Variants in PFDN1 observed in about 807,000 individuals in gnomAD.
The protein encoded by PFDN1 is prefoldin subunit 1.
A neutral mutation model predicts 17.3 loss-of-function variants in PFDN1; 6 were observed. The ratio of observed to expected loss-of-function variants is 0.35; its 90% CI spans 0.19 to 0.69. The LOEUF (loss-of-function observed/expected upper bound fraction) is 0.69. Among genes scored for constraint, PFDN1 ranks in the 30% least tolerant of loss-of-function variants. The pLI is 0.65. For missense variants in PFDN1, 113 were observed against 146.2 expected (o/e 0.77, Z 1.17); for synonymous variants, 58 against 50.1 (o/e 1.16, Z -0.67).
At position 140,286,851 on chromosome 5, in the gene PFDN1, C is replaced by A. The variant is rs180963724; in HGVS notation, c.201-5318G>T. On this transcript the variant is annotated intron_variant, in intron 2 of 3. Transcript: ENST00000261813. ...AACTCCTGACCTCAGGGGATCCAAC[C>A]GCCTCAGCCTCCCAAAGAGCTGGGA... is the stretch of plus-strand genomic sequence containing the variant. 3.3e-3 allele frequency among the ~76,000 whole-genome samples: 499 copies of A among 152,076 alleles called. 4 individuals are homozygous for A. Among genetic ancestry groups the A allele is most frequent in the African/African-American group, 0.012 (485 of 41,460 alleles).
intron 3 of PFDN1, among the ~76,000 whole-genome samples, chr5:140,271,381 A>T (rs931888231): frequency 1.3e-5 from 2 of 152,250 alleles, no homozygotes; most frequent in Admixed American, 1.3e-4. Flanking sequence ...CATGTTTGAA[A>T]TCCCAATATA....
Position 140,280,017 on chromosome 5 carries a change from A to AAAAAAGAAAAG in PFDN1, c.285+1431_285+1432insCTTTTCTTTTT, listed in dbSNP as rs1561509725. Among the ~76,000 whole-genome samples the AAAAAAGAAAAG allele has an allele frequency of 2.7e-5, 4 of 145,628 alleles. No homozygotes were observed. The South Asian group carries it at 8.7e-4, about 31-fold the overall frequency. Reference sequence around the variant, plus strand: ...TCTCAAAAAAAAAAAAAAAAAACAAAAAAAGAAAAGAAAAGAAAAGAAAGA... The same window carrying AAAAAAGAAAAG: ...TCTCAAAAAAAAAAAAAAAAAACAAAAAAAAGAAAAGAAAAGAAAAGAAAAGAAAAGAAAGA... On this transcript the variant is annotated intron_variant, in intron 3 of 3. Coordinates refer to ENST00000261813, the MANE Select transcript of PFDN1 (RefSeq NM_002622.5).
At chr5:140,288,124 C>G (rs1765525391) in intron 2 of PFDN1, among the ~76,000 whole-genome samples, 1 of 152,208 alleles carries the variant, frequency 6.6e-6, no homozygotes, top group South Asian at 2.1e-4. Context: ...TTTACAGCTG[C>G]TTCATTTGTA....
rs1397159468 is a variant in PFDN1, at chr5:140,245,981, G to A, written c.362C>T (p.Ala121Val). 4.5e-6 allele frequency: 7 copies of A among 1,550,690 alleles called. No individual in the cohort carries two copies. The highest frequency in any genetic ancestry group is 1.7e-4 in the Middle Eastern group (1 of 5,834). The change falls in exon 4 of 4, where the codon GCC (alanine) becomes GTC (valine). Residue 121 changes from alanine to valine, a missense_variant. Physicochemically the swap from Ala to Val is moderately conservative, Grantham distance 64 (BLOSUM62 0). Transcript: ENST00000261813. ...NIREMLMARRAQ is the reference protein window; with the variant it reads ...NIREMLMARRVQ ...GCTTCCCAGAGAGGCTCCCTACTGGGCCCTTCGTGCCATCAGCATCTCCCG... is the reference window on the plus strand; with the variant it reads ...GCTTCCCAGAGAGGCTCCCTACTGGACCCTTCGTGCCATCAGCATCTCCCG...
At chr5:140,253,280 A>G (rs766088668) in intron 3 of PFDN1, among the ~76,000 whole-genome samples, 1 of 152,156 alleles carries the variant, frequency 6.6e-6, no homozygotes, top group Non-Finnish European at 1.5e-5. Context: ...TTACCTGCCG[A>G]CAGACTGACA....
In PFDN1 at chr5:140,301,794, T is replaced by C. The variant is rs773744760; in HGVS notation, c.34-1212A>G. ...CTAAACCCTGATTTAAATCGGTACT[T>C]TTAACAGAAGAAAAGGTAAATTTTT... On this transcript the variant is annotated intron_variant, in intron 1 of 3. Transcript: ENST00000261813. Among the ~76,000 whole-genome samples the C allele has an allele frequency of 5.4e-4, 83 of 152,300 alleles. 1 individual carries two copies. Among genetic ancestry groups the C allele is most frequent in the Middle Eastern group, 6.8e-3 (2 of 294 alleles).
intron 2 of PFDN1, among the ~76,000 whole-genome samples, chr5:140,285,370 G>A (rs1436213696): frequency 6.6e-6 from 1 of 151,310 alleles, no homozygotes; most frequent in Admixed American, 6.6e-5. Context: ...AAAAGAATGA[G>A]CCTATCTTGC....
chr5:140,279,910 G>T (rs183802714), intron 3 of PFDN1, among the ~76,000 whole-genome samples: 1 of 146,796 alleles, frequency 6.8e-6, no homozygotes, highest in Non-Finnish European at 1.5e-5. Flanking sequence ...CAGGAGAATC[G>T]CTTGAAGCCA....
At chr5:140,285,145 G>A (rs1422868896) in intron 2 of PFDN1, among the ~76,000 whole-genome samples, 1 of 152,052 alleles carries the variant, frequency 6.6e-6, no homozygotes, top group African/African-American at 2.4e-5. Context: ...GTTCACTTTG[G>A]GTGGGAAATT....
intron 3 of PFDN1, among the ~76,000 whole-genome samples, chr5:140,250,323 GT>G (rs1764894930): frequency 6.6e-6 from 1 of 152,122 alleles, no homozygotes; most frequent in Non-Finnish European, 1.5e-5. Flanking sequence ...AATCCACCAG[GT>G]ATGTTCCTGC....
At chr5:140,270,066 G>C (rs879554734) in intron 3 of PFDN1, among the ~76,000 whole-genome samples, 3 of 152,144 alleles carry the variant, frequency 2.0e-5, no homozygotes, top group Non-Finnish European at 4.4e-5. Flanking sequence ...GCTTTTTATG[G>C]CTAGTATCTA....
At chr5:140,252,981 C>G (rs1419232825) in intron 3 of PFDN1, among the ~76,000 whole-genome samples, 1 of 152,202 alleles carries the variant, frequency 6.6e-6, no homozygotes, top group Admixed American at 6.5e-5. Context: ...GTAAACTCAT[C>G]TGGGTGCATC....
At chr5:140,269,199 G>GA (rs1253830519) in intron 3 of PFDN1, among the ~76,000 whole-genome samples, 1 of 152,046 alleles carries the variant, frequency 6.6e-6, no homozygotes, top group Non-Finnish European at 1.5e-5. Context: ...TATTTGTAGA[G>GA]ATGAGGTCTC....
chr5:140,291,510 C>A (rs1765581000), intron 2 of PFDN1, among the ~76,000 whole-genome samples: 1 of 151,900 alleles, frequency 6.6e-6, no homozygotes, highest in African/African-American at 2.4e-5. Context: ...GCCTATTAGA[C>A]CATCACATGA....
At position 140,245,956 on chromosome 5, in the gene PFDN1, G is replaced by A. The variant is rs376066004; in HGVS notation, c.*18C>T. ...AGGAATGGGAGGGGCAGGAGGAAGAGCTTCCCAGAGAGGCTCCCTACTGGG... is the reference window on the plus strand; with the variant it reads ...AGGAATGGGAGGGGCAGGAGGAAGAACTTCCCAGAGAGGCTCCCTACTGGG... On this transcript the variant is annotated 3_prime_UTR_variant, in exon 4 of 4. Transcript: ENST00000261813. The A allele has an allele frequency of 9.0e-4, 1,319 of 1,473,736 alleles. 6 individuals are homozygous for A. Among genetic ancestry groups the A allele is most frequent in the Middle Eastern group, 3.0e-3 (16 of 5,286 alleles). The allele number at this position is 1,473,736 out of a possible 1,614,324, so 91.3% of individuals were successfully genotyped here.
intron 2 of PFDN1, among the ~76,000 whole-genome samples, chr5:140,295,005 G>C (rs1256184847): frequency 6.6e-6 from 1 of 151,770 alleles, no homozygotes; most frequent in Non-Finnish European, 1.5e-5. Flanking sequence ...TTAGGTTCAA[G>C]TTTTAAAAAG....
At chr5:140,259,164 G>C (rs1237427565) in intron 3 of PFDN1, among the ~76,000 whole-genome samples, 1 of 152,150 alleles carries the variant, frequency 6.6e-6, no homozygotes, top group Non-Finnish European at 1.5e-5. Flanking sequence ...AATGGTTGGG[G>C]GCTAGAAAGG....
Position 140,245,794 on chromosome 5 carries a change from G to A in PFDN1, c.*180C>T, listed in dbSNP as rs1234820434. On this transcript the variant is annotated 3_prime_UTR_variant, in exon 4 of 4. Coordinates refer to ENST00000261813, the MANE Select transcript of PFDN1 (RefSeq NM_002622.5). ...TGGGCAGAGGTGGCAGGCAAAGCCG[G>A]GTAAAAACTCCAGGGCTGGGAAGCA... 2.0e-5 allele frequency: 12 copies of A among 614,932 alleles called. No individual in the cohort carries two copies. The highest frequency in any genetic ancestry group is 7.4e-5 in the African/African-American group (4 of 54,250). 38.1% of individuals were successfully genotyped at this position (614,932 alleles called of 1,614,324 possible).
intron 3 of PFDN1, among the ~76,000 whole-genome samples, chr5:140,263,460 T>A (rs1765090903): frequency 6.6e-6 from 1 of 152,196 alleles, no homozygotes; most frequent in East Asian, 1.9e-4. Context: ...TATCCATCTG[T>A]CTTTCAATTG....
Sources: gnomAD v4.1 joint callset for allele counts (sites outside exome capture counted in the v4.1 genomes callset) on GRCh38, gnomAD v4.1.1 for gene constraint, MANE v1.5 for transcripts, NCBI Gene and HGNC (gene_info 2026-07-23, HGNC 2026-07-21) for gene names.